CSMD1: variants seen among roughly 807,000 people sequenced by gnomAD.
CSMD1 encodes CUB and sushi domain-containing protein 1.
In CSMD1, 213 loss-of-function variants were observed where a neutral mutation model predicts 417.5. The observed-to-expected ratio is 0.51, with a 90% CI of 0.46 to 0.57. CSMD1 has a LOEUF of 0.57. Among genes scored for constraint, CSMD1 ranks in the 20% least tolerant of loss-of-function variants. The pLI, the probability that CSMD1 is intolerant of heterozygous loss-of-function variation, is 0.00. For synonymous variants in CSMD1, 2,862 were observed against 1,736.8 expected (o/e 1.65, Z -16.11); for missense variants, 6,923 against 4,529.7 (o/e 1.53, Z -15.17).
At chr8:3,097,640 G>A (rs535988422) in intron 46 of CSMD1, among the ~76,000 whole-genome samples, 100 of 152,248 alleles carry the variant, frequency 6.6e-4, no homozygotes, top group African/African-American at 2.3e-3. Context: ...ATTTCATCAG[G>A]CTATTCAGAA....
At chr8:3,669,631 C>A (rs886118594) in intron 7 of CSMD1, among the ~76,000 whole-genome samples, 1 of 152,148 alleles carries the variant, frequency 6.6e-6, no homozygotes, top group Non-Finnish European at 1.5e-5. Context: ...GGTATTCGCC[C>A]GCTGGGTACA....
At chr8:3,869,866 T>A (rs1037424834) in intron 5 of CSMD1, among the ~76,000 whole-genome samples, 1 of 151,882 alleles carries the variant, frequency 6.6e-6, no homozygotes, top group Non-Finnish European at 1.5e-5. Context: ...TTATCCTTAC[T>A]GATCTAATTT....
chr8:3,708,818 G>C (rs372402495), intron 6 of CSMD1, among the ~76,000 whole-genome samples: 3 of 152,252 alleles, frequency 2.0e-5, no homozygotes. Flanking sequence ...AAATTGTTCA[G>C]GCAGATCACT....
In CSMD1 at chr8:3,636,580, T is replaced by C. The variant is rs542471022; in HGVS notation, c.1010-19783A>G. Among the ~76,000 whole-genome samples, 3 of 152,310 alleles carry C rather than the reference T, an allele frequency of 2.0e-5. No homozygotes were observed. In the East Asian group the frequency reaches 5.8e-4, roughly 29 times the overall value. On this transcript the variant is annotated intron_variant, in intron 7 of 69. Transcript: ENST00000635120. ...TGTACATGTAACTTTATGCTGGTCA[T>C]GAAACGGAATGTGAAAAACATCTTT...
chr8:3,193,800 T>C (rs1385909690), intron 33 of CSMD1, among the ~76,000 whole-genome samples: 1 of 152,202 alleles, frequency 6.6e-6, no homozygotes, highest in Non-Finnish European at 1.5e-5. Flanking sequence ...AGCGCAAATG[T>C]GTGCTCATCT....
intron 1 of CSMD1, among the ~76,000 whole-genome samples, chr8:4,937,707 T>A (rs976602573): frequency 6.6e-6 from 1 of 152,144 alleles, no homozygotes; most frequent in Non-Finnish European, 1.5e-5. Context: ...GTATGAACGA[T>A]TTCTTGACTT....
At chr8:3,442,635 A>C (rs1815058862) in intron 12 of CSMD1, among the ~76,000 whole-genome samples, 1 of 151,950 alleles carries the variant, frequency 6.6e-6, no homozygotes, top group Non-Finnish European at 1.5e-5. Context: ...GTGTAAGTGC[A>C]CTCCACGATG....
chr8:4,039,229 T>G (rs1460044524), intron 3 of CSMD1, among the ~76,000 whole-genome samples: 2 of 152,170 alleles, frequency 1.3e-5, no homozygotes, highest in African/African-American at 4.8e-5. Flanking sequence ...TCTCTACACT[T>G]TGCCTCTGTA....
chr8:3,102,822 CA>C (rs759637582), intron 46 of CSMD1, among the ~76,000 whole-genome samples: 21 of 152,134 alleles, frequency 1.4e-4, no homozygotes, highest in Non-Finnish European at 2.8e-4. Context: ...TGGAAGGTAA[CA>C]AAGAGTTTTC....
intron 3 of CSMD1, among the ~76,000 whole-genome samples, chr8:4,308,900 T>A (rs1374338514): frequency 2.0e-5 from 3 of 152,148 alleles, no homozygotes; most frequent in African/African-American, 4.8e-5. Context: ...TTTAAAATAC[T>A]CAGAAAATAT....
chr8:3,789,386 T>C (rs530084275), intron 5 of CSMD1, among the ~76,000 whole-genome samples: 26 of 67,106 alleles, frequency 3.9e-4, no homozygotes, highest in African/African-American at 1.4e-3. Flanking sequence ...TTTTTTTAAG[T>C]AGTGTTTTTT....
At chr8:4,325,078 G>C (rs530581658) in intron 3 of CSMD1, among the ~76,000 whole-genome samples, 3 of 152,112 alleles carry the variant, frequency 2.0e-5, no homozygotes, top group Middle Eastern at 3.2e-3. Context: ...GGAGCCAGGA[G>C]GGAAAAATCA....
intron 5 of CSMD1, among the ~76,000 whole-genome samples, chr8:3,777,015 T>G (rs1409954095): frequency 6.6e-6 from 1 of 151,858 alleles, no homozygotes; most frequent in East Asian, 1.9e-4. Flanking sequence ...CATCTGACCT[T>G]AAATGCTGGA....
intron 26 of CSMD1, among the ~76,000 whole-genome samples, chr8:3,276,629 G>T (rs548553262): frequency 1.1e-3 from 166 of 152,236 alleles, no homozygotes; most frequent in African/African-American, 1.6e-3. Flanking sequence ...GATAAGTTTT[G>T]GGTGGGGACA....
intron 2 of CSMD1, among the ~76,000 whole-genome samples, chr8:4,516,850 A>T (rs1015017059): frequency 4.6e-5 from 7 of 151,850 alleles, no homozygotes; most frequent in Non-Finnish European, 1.0e-4. Context: ...GATATAGCCA[A>T]TTTTTTTTCT....
At chr8:4,051,726 A>G (rs1288544151) in intron 3 of CSMD1, among the ~76,000 whole-genome samples, 1 of 152,182 alleles carries the variant, frequency 6.6e-6, no homozygotes, top group African/African-American at 2.4e-5. Context: ...GCAAGCAGGG[A>G]TTAAAGAAAG....
intron 12 of CSMD1, among the ~76,000 whole-genome samples, chr8:3,423,649 T>C (rs1813637015): frequency 6.6e-6 from 1 of 152,236 alleles, no homozygotes; most frequent in Non-Finnish European, 1.5e-5. Context: ...GATGGGCATT[T>C]GGGTTGTTTC....
chr8:4,687,580 G>T (rs538003963), intron 1 of CSMD1, among the ~76,000 whole-genome samples: 1 of 152,286 alleles, frequency 6.6e-6, no homozygotes, highest in African/African-American at 2.4e-5. Flanking sequence ...AGCATCACAA[G>T]AATTTAACAA....
intron 2 of CSMD1, among the ~76,000 whole-genome samples, chr8:4,553,993 G>A (rs1005637677): frequency 6.6e-6 from 1 of 152,164 alleles, no homozygotes; most frequent in Admixed American, 6.5e-5. Flanking sequence ...AGACAGTCTG[G>A]CCAAAGCTTA....
Sources: gnomAD v4.1 joint callset for allele counts (sites outside exome capture counted in the v4.1 genomes callset) on GRCh38, gnomAD v4.1.1 for gene constraint, MANE v1.5 for transcripts, NCBI Gene and HGNC (gene_info 2026-07-23, HGNC 2026-07-21) for gene names.